Variants in TSGA10 observed in about 807,000 individuals in gnomAD.
The protein encoded by TSGA10 is testis-specific gene 10 protein.
Under a neutral mutation model 96.6 loss-of-function variants are expected in TSGA10, and 43 were observed. The observed-to-expected ratio is 0.44, with a 90% confidence interval of 0.35 to 0.57. The LOEUF is 0.57. Ranked by LOEUF, TSGA10 falls within the 20% of genes least tolerant of loss-of-function variation. The probability of loss-of-function intolerance (pLI) is 0.01; values close to 1 mark genes in which losing one functional copy is unlikely to be tolerated. For missense variants in TSGA10, 703 were observed against 834.4 expected (o/e 0.84, Z 1.94); for synonymous variants, 229 against 269.9 (o/e 0.85, Z 1.48).
At chr2:99,096,092 C>T (rs1198974331) in intron 10 of TSGA10, among the ~76,000 whole-genome samples, 1 of 152,010 alleles carries the variant, frequency 6.6e-6, no homozygotes, top group East Asian at 1.9e-4. Context: ...AATTTTAAGT[C>T]AAAATATAAC....
chr2:99,055,543 C>A (rs182209694), intron 16 of TSGA10, among the ~76,000 whole-genome samples: 1 of 151,728 alleles, frequency 6.6e-6, no homozygotes, highest in Admixed American at 6.6e-5. Flanking sequence ...AATCATTTCA[C>A]AATTTATACA....
intron 10 of TSGA10, among the ~76,000 whole-genome samples, chr2:99,084,944 C>A (rs182463226): frequency 2.0e-5 from 3 of 151,368 alleles, no homozygotes; most frequent in Non-Finnish European, 4.4e-5. Context: ...CAAGCAGAAG[C>A]TGGTATATTA....
At position 99,141,008 on chromosome 2, in the gene TSGA10, T is replaced by C; in HGVS notation, c.-621+13685A>G. 4 of 1,128,344 alleles carry C rather than the reference T, an allele frequency of 3.5e-6. No individual in the cohort carries two copies. The South Asian group carries it at 5.9e-5, about 17-fold the overall frequency. 69.9% of individuals were successfully genotyped at this position (1,128,344 alleles called of 1,614,324 possible). On this transcript the variant is annotated intron_variant, in intron 1 of 20. Transcript: ENST00000393483. ...CCCGCACCCGCCACTCCTGCCCGCT[T>C]GCAGCCGCCTTCTCAGAGACCTTCC...
At chr2:99,152,658 T>C (rs1201680214) in intron 1 of TSGA10, among the ~76,000 whole-genome samples, 3 of 152,060 alleles carry the variant, frequency 2.0e-5, no homozygotes, top group Non-Finnish European at 4.4e-5. Context: ...TCTGAGGACA[T>C]TTATAGCTTT....
chr2:99,015,585 G>A (rs1421824060), intron 20 of TSGA10, among the ~76,000 whole-genome samples: 1 of 152,116 alleles, frequency 6.6e-6, no homozygotes, highest in African/African-American at 2.4e-5. Context: ...CTGAGAACTG[G>A]AACAAGACAA....
Position 99,154,903 on chromosome 2 carries a change from C to A in TSGA10, c.-831G>T. 1 of 421,878 alleles carries A rather than the reference C, an allele frequency of 2.4e-6. No homozygotes were observed. Among genetic ancestry groups the A allele is most frequent in the South Asian group, 1.7e-5 (1 of 60,212 alleles). 26.1% of individuals were successfully genotyped at this position (421,878 alleles called of 1,614,324 possible). A position where few individuals can be genotyped will look rare whatever the true frequency, so the allele number is the denominator to read the frequency against. On this transcript the variant is annotated 5_prime_UTR_variant, in exon 1 of 21. Coordinates refer to ENST00000393483, the MANE Select transcript of TSGA10 (RefSeq NM_025244.4). ...GCGGAGAGACTAGGCGCGATCCCTGCGCGCCCCTCCTTCTCTTGCGCTTCA... is the reference window on the plus strand; with the variant it reads ...GCGGAGAGACTAGGCGCGATCCCTGAGCGCCCCTCCTTCTCTTGCGCTTCA...
At chr2:99,100,535 G>A (rs1320862611) in intron 10 of TSGA10, among the ~76,000 whole-genome samples, 1 of 152,120 alleles carries the variant, frequency 6.6e-6, no homozygotes, top group African/African-American at 2.4e-5. Flanking sequence ...TACACTCCTG[G>A]TAGGGCCGGG....
At chr2:99,095,753 G>A (rs1181019140) in intron 10 of TSGA10, among the ~76,000 whole-genome samples, 1 of 152,190 alleles carries the variant, frequency 6.6e-6, no homozygotes, top group Non-Finnish European at 1.5e-5. Flanking sequence ...CGATTCTCCT[G>A]CCTCAGCCTC....
intron 1 of TSGA10, among the ~76,000 whole-genome samples, chr2:99,133,350 G>C (rs1468231905): frequency 2.0e-5 from 3 of 152,094 alleles, no homozygotes; most frequent in Non-Finnish European, 4.4e-5. Context: ...GCCCTTCTTT[G>C]TCTTGTTTTG....
chr2:99,069,823 C>T (rs1174520299), intron 14 of TSGA10, among the ~76,000 whole-genome samples: 1 of 151,758 alleles, frequency 6.6e-6, no homozygotes, highest in South Asian at 2.1e-4. Context: ...AGTGGCATAA[C>T]CACATAATGG....
chr2:99,138,209 C>G (rs1447972181), intron 1 of TSGA10, among the ~76,000 whole-genome samples: 1 of 152,234 alleles, frequency 6.6e-6, no homozygotes, highest in Admixed American at 6.5e-5. Flanking sequence ...CAGCCTTTCA[C>G]ATGGCTATCT....
chr2:99,056,399 GAAAT>G (rs1385260643), intron 16 of TSGA10, among the ~76,000 whole-genome samples: 1 of 151,928 alleles, frequency 6.6e-6, no homozygotes, highest in Non-Finnish European at 1.5e-5. Context: ...TTACTGAAAT[GAAAT>G]AGATTATAAA....
At chr2:99,084,280 A>G (rs1013240149) in intron 10 of TSGA10, among the ~76,000 whole-genome samples, 3 of 152,198 alleles carry the variant, frequency 2.0e-5, no homozygotes, top group Non-Finnish European at 4.4e-5. Flanking sequence ...TCATGTTGAA[A>G]TGTGATTTCC....
intron 1 of TSGA10, among the ~76,000 whole-genome samples, chr2:99,130,651 C>T (rs1408912773): frequency 6.6e-6 from 1 of 152,168 alleles, no homozygotes; most frequent in African/African-American, 2.4e-5. Flanking sequence ...TCAATTTTGG[C>T]TTTTCTTGCC....
intron 20 of TSGA10, among the ~76,000 whole-genome samples, chr2:99,015,995 A>T (rs1378479236): frequency 2.6e-5 from 4 of 152,212 alleles, no homozygotes; most frequent in African/African-American, 9.6e-5. Flanking sequence ...AACACTGCTG[A>T]AAGAAGTCAC....
intron 20 of TSGA10, among the ~76,000 whole-genome samples, chr2:99,005,764 A>C (rs1305514353): frequency 6.6e-6 from 1 of 152,186 alleles, no homozygotes; most frequent in Non-Finnish European, 1.5e-5. Context: ...GCTACCAATG[A>C]CTTTCTTCAC....
intron 10 of TSGA10, among the ~76,000 whole-genome samples, chr2:99,085,475 G>A (rs567209047): frequency 3.9e-4 from 59 of 151,268 alleles, no homozygotes; most frequent in African/African-American, 1.3e-3. Flanking sequence ...CAGGCACAGC[G>A]GCACATGTCT....
chr2:99,002,880 GAA>G (rs1558683809), intron 20 of TSGA10, among the ~76,000 whole-genome samples: 1 of 148,520 alleles, frequency 6.7e-6, no homozygotes, highest in African/African-American at 2.5e-5. Flanking sequence ...TTTTTTTTGA[GAA>G]AGAGTCTCAC....
chr2:99,143,746 T>C (rs1411812093), intron 1 of TSGA10, among the ~76,000 whole-genome samples: 1 of 152,084 alleles, frequency 6.6e-6, no homozygotes, highest in Non-Finnish European at 1.5e-5. Context: ...GCTGGGATTA[T>C]ATGCATGAGC....
Sources: allele counts gnomAD v4.1 joint callset (sites outside exome capture counted in the v4.1 genomes callset), GRCh38; gene constraint gnomAD v4.1.1; transcripts MANE v1.5; gene names NCBI Gene and HGNC (gene_info 2026-07-23, HGNC 2026-07-21).